BGN: variants seen among roughly 807,000 people sequenced by gnomAD.
BGN encodes bone/cartilage proteoglycan-I.
BGN carries 6 observed loss-of-function variants against 20.0 expected under a neutral mutation model. That is an observed-to-expected ratio of 0.30 (90% CI 0.16 to 0.59). BGN has a LOEUF of 0.59. Ranked by LOEUF, BGN falls within the 20% of genes least tolerant of loss-of-function variation. The pLI is 0.88. For synonymous variants in BGN, 146 were observed against 134.6 expected, an observed-to-expected ratio of 1.08 and a Z score of -0.59; for missense variants, 292 against 312.1, an observed-to-expected ratio of 0.94 and a Z score of 0.49.
At chrX:153,504,484 C>T (rs782104723) in intron 1 of BGN, 137 bp from the exon 2 acceptor site, 200 of 525,417 alleles carry the variant, frequency 3.8e-4, no homozygotes, top group Non-Finnish European at 5.4e-4. Flanking sequence ...CCGCCCTCTC[C>T]GCCTCCCGCT....
intron 1 of BGN, among the ~76,000 whole-genome samples, chrX:153,500,604 T>C (rs1438625232): frequency 1.8e-5 from 2 of 112,897 alleles, no homozygotes; most frequent in African/African-American, 6.4e-5. Flanking sequence ...TATGTATACA[T>C]ATGTATATGT....
At chrX:153,497,634 G>A (rs1211492459) in intron 1 of BGN, among the ~76,000 whole-genome samples, 1 of 111,576 alleles carries the variant, frequency 9.0e-6, no homozygotes, top group Non-Finnish European at 1.9e-5. Context: ...CCTAGCCTAA[G>A]TGGCCTCCAG....
intron 1 of BGN, among the ~76,000 whole-genome samples, chrX:153,498,727 C>T (rs1328022423): frequency 1.4e-4 from 16 of 112,330 alleles, no homozygotes; most frequent in African/African-American, 5.2e-4. Flanking sequence ...TTCCCTGGGG[C>T]CCTGAAGTGC....
rs1126499 is a variant in BGN, at chrX:153,506,051, C to T, written c.540C>T (p.Ser180=). The T allele has an allele frequency of 0.45, 548,673 of 1,208,518 alleles. 86,306 individuals are homozygous for T. The highest frequency in any genetic ancestry group is 0.48 in the Non-Finnish European group (433,333 of 894,415). ...RIRKVPKGVF[S]GLRNMNCIEM... Reference sequence around the variant, plus strand: ...GCAAGGTGCCCAAGGGAGTGTTCAGCGGGCTCCGGAACATGAACTGCATCG... The same window carrying T: ...GCAAGGTGCCCAAGGGAGTGTTCAGTGGGCTCCGGAACATGAACTGCATCG... The change falls in exon 4 of 8, where the codon AGC becomes AGT. Residue 180 remains serine, a synonymous_variant. Transcript: ENST00000331595.
intron 1 of BGN, chrX:153,495,484 G>A (rs2089705692): frequency 8.9e-6 from 1 of 112,066 alleles, no homozygotes; most frequent in African/African-American, 3.3e-5. Context: ...TTTGCCAATG[G>A]CCCTGTTTCA....
intron 1 of BGN, among the ~76,000 whole-genome samples, chrX:153,499,759 CG>C (rs2089743634): frequency 8.9e-6 from 1 of 112,686 alleles, no homozygotes; most frequent in Non-Finnish European, 1.9e-5. Flanking sequence ...GAGCCATCGG[CG>C]GGGAGGGACT....
rs782533603 is a variant in BGN at position 153,505,311 on chromosome X, G to C, written c.312G>C (p.Glu104Asp). ...LLDLQNNDIS[E>D]LRKDDFKGLQ... ...ACCTGCAGAACAACGACATCTCCGA[G>C]CTCCGCAAGGATGACTTCAAGGGTC... Residue 104 changes from glutamate (E) to aspartate (D), a missense_variant, in exon 3 of 8, where the codon GAG becomes GAC. Coordinates refer to ENST00000331595, the MANE Select transcript of BGN (RefSeq NM_001711.6). 33 of 1,209,132 alleles carry C rather than the reference G, an allele frequency of 2.7e-5. No individual in the cohort carries two copies. The highest frequency in any genetic ancestry group is 3.5e-5 in the African/African-American group (2 of 57,136).
chrX:153,498,754 T>C (rs1327418104), intron 1 of BGN, among the ~76,000 whole-genome samples: 1 of 112,007 alleles, frequency 8.9e-6, no homozygotes, highest in East Asian at 2.8e-4. Context: ...GGGGAGACGA[T>C]GGCTTTTCCA....
chrX:153,504,162 G>A (rs1377773159), intron 1 of BGN, among the ~76,000 whole-genome samples: 7 of 112,066 alleles, frequency 6.2e-5, no homozygotes, highest in Non-Finnish European at 1.1e-4. Flanking sequence ...ATCGGCCCGG[G>A]TAGGAGGCCA....
chrX:153,496,015 C>T (rs782529523), intron 1 of BGN, among the ~76,000 whole-genome samples: 120 of 112,585 alleles, frequency 1.1e-3, no homozygotes, highest in Non-Finnish European at 1.5e-3. Context: ...GGAAGGCCCA[C>T]GGAGGGGAGC....
chrX:153,508,092 C>T lies in BGN; in HGVS notation c.910-156C>T, dbSNP rs144347400. On this transcript the variant is annotated intron_variant, in intron 7 of 7. Coordinates refer to ENST00000331595, the MANE Select transcript of BGN (RefSeq NM_001711.6). ...TCCTGGCTGACACCCACACAAATAACACGCCCATGCCTTGGTTTGCTCCTC... is the reference window on the plus strand; with the variant it reads ...TCCTGGCTGACACCCACACAAATAATACGCCCATGCCTTGGTTTGCTCCTC... Among the ~76,000 whole-genome samples, 622 of 112,756 alleles carry T rather than the reference C, an allele frequency of 5.5e-3. 2 individuals are homozygous for T. The highest frequency in any genetic ancestry group is 7.5e-3 in the Non-Finnish European group (402 of 53,260).
At chrX:153,495,362 C>T in intron 1 of BGN, 1 of 112,625 alleles carries the variant, frequency 8.9e-6, no homozygotes. Context: ...TCCTCTCCCT[C>T]TCCCTTCTGA....
rs2089787756 is a variant in BGN, at chrX:153,504,878, CT to C, written c.238+10del. The C allele has an allele frequency of 8.4e-7, 1 of 1,189,383 alleles. No homozygotes were observed. The highest frequency in any genetic ancestry group is 1.1e-6 in the Non-Finnish European group (1 of 883,656). ...TCAGTGCTCCGACCTGGGTTTGTCC[CT>C]GAGTGATGGGGAGCGGGGCATGCAG... On this transcript the variant is annotated intron_variant, in intron 2 of 7. Coordinates refer to ENST00000331595, the MANE Select transcript of BGN (RefSeq NM_001711.6).
chrX:153,499,764 AG>A (rs1255868042), intron 1 of BGN, among the ~76,000 whole-genome samples: 1 of 111,319 alleles, frequency 9.0e-6, no homozygotes, highest in Non-Finnish European at 1.9e-5. Context: ...ATCGGCGGGG[AG>A]GGACTGGTGG....
At chrX:153,501,567 C>T (rs11798817) in intron 1 of BGN, among the ~76,000 whole-genome samples, 31,254 of 112,212 alleles carry the variant, frequency 0.28, 3,454 homozygotes, top group Middle Eastern at 0.41. Flanking sequence ...TCCTTCCCCC[C>T]AGGCTCCCCT....
In BGN at chrX:153,508,512, G is replaced by A; in HGVS notation, c.*67G>A. 1 of 1,126,612 alleles carries A rather than the reference G, an allele frequency of 8.9e-7. No homozygotes were observed. Among genetic ancestry groups the A allele is most frequent in the Non-Finnish European group, 1.2e-6 (1 of 833,207 alleles). 92.8% of individuals were successfully genotyped at this position (1,126,612 alleles called of 1,213,427 possible). On this transcript the variant is annotated 3_prime_UTR_variant, in exon 8 of 8. Transcript: ENST00000331595. ...GGGAACACAGCCAGACATCCTGATG[G>A]GGAGGCAGAGCCAGGAAGCTAAGCC...
At chrX:153,506,745 A>G in intron 5 of BGN, 85 bp from the exon 6 acceptor site, 3 of 1,149,172 alleles carry the variant, frequency 2.6e-6, no homozygotes, top group Non-Finnish European at 3.6e-6. Context: ...GAAAGGCTCA[A>G]CAGTCCCCTC....
chrX:153,503,024 C>T (rs782096105), intron 1 of BGN, among the ~76,000 whole-genome samples: 3 of 112,917 alleles, frequency 2.7e-5, no homozygotes, highest in Non-Finnish European at 5.6e-5. Context: ...ACCCGAGGAG[C>T]TGCATGGGGG....
rs201895020 is a variant in BGN, at chrX:153,501,196, TTG to T, written c.-11-3417_-11-3416del. On this transcript the variant is annotated intron_variant, in intron 1 of 7. Transcript: ENST00000331595. ...TGTATGTGTGCATCTGTGTGTGTGT[TTG>T]TGTGTGTATGTGTGTACGTGTGTGT... Among the ~76,000 whole-genome samples the T allele has an allele frequency of 4.0e-3, 429 of 108,511 alleles. 4 individuals carry two copies. Among genetic ancestry groups the T allele is most frequent in the African/African-American group, 0.013 (402 of 30,260 alleles). 94.2% of individuals were successfully genotyped at this position (108,511 alleles called of 115,157 possible). A position where few individuals can be genotyped will look rare whatever the true frequency, so the allele number is the denominator to read the frequency against.
Sources: allele counts gnomAD v4.1 joint callset (sites outside exome capture counted in the v4.1 genomes callset), GRCh38; gene constraint gnomAD v4.1.1; transcripts MANE v1.5; gene names NCBI Gene and HGNC (gene_info 2026-07-23, HGNC 2026-07-21).